GPRASP3: variants seen among roughly 807,000 people sequenced by gnomAD.
The protein encoded by GPRASP3 is G protein-coupled receptor associated sorting protein 3.
the GPRASP3 span, among the ~76,000 whole-genome samples, chrX:102,733,488 G>A: frequency 9.4e-6 from 1 of 106,807 alleles, no homozygotes; most frequent in Non-Finnish European, 1.9e-5. Context: ...CTCACAAATT[G>A]TTTCCAAATT....
chrX:102,748,801 G>A, the GPRASP3 span: 13 of 393,736 alleles, frequency 3.3e-5, no homozygotes, highest in Non-Finnish European at 5.3e-5. Context: ...GCCCGAGCGT[G>A]CCTCTGCCCT....
At chrX:102,751,263 T>G in the GPRASP3 span, 3 of 124,023 alleles carry the variant, frequency 2.4e-5, no homozygotes, top group African/African-American at 9.7e-5. Flanking sequence ...GGCTGTTTCA[T>G]TTACATCAAA....
chrX:102,739,693 G>A, the GPRASP3 span, among the ~76,000 whole-genome samples: 1 of 111,518 alleles, frequency 9.0e-6, no homozygotes. Flanking sequence ...AAAACTTAGC[G>A]CTGGGGCATA....
At chrX:102,735,856 T>C in the GPRASP3 span, among the ~76,000 whole-genome samples, 1 of 112,933 alleles carries the variant, frequency 8.9e-6, no homozygotes, top group Non-Finnish European at 1.9e-5. Context: ...TTTTACCATA[T>C]GCACATTTTA....
At chrX:102,722,863 GT>G in the GPRASP3 span, among the ~76,000 whole-genome samples, 1 of 111,577 alleles carries the variant, frequency 9.0e-6, no homozygotes, top group Non-Finnish European at 1.9e-5. Context: ...ATAAAAAGGA[GT>G]TGGTTAATGG....
chrX:102,743,984 A>G, the GPRASP3 span, among the ~76,000 whole-genome samples: 216 of 112,114 alleles, frequency 1.9e-3, 1 homozygote, highest in Non-Finnish European at 3.2e-3. Context: ...CTTTATGTCT[A>G]CACCTTAGCA....
chrX:102,739,838 G>T, the GPRASP3 span, among the ~76,000 whole-genome samples: 14 of 111,701 alleles, frequency 1.3e-4, 2 homozygotes, highest in East Asian at 8.5e-4. Context: ...TATAAACCTC[G>T]GGGGATATCC....
chrX:102,746,666 G>A, the GPRASP3 span, among the ~76,000 whole-genome samples: 2 of 112,756 alleles, frequency 1.8e-5, no homozygotes, highest in African/African-American at 3.2e-5. Context: ...CTTGGGTGCT[G>A]TCCCTTCCCA....
chrX:102,739,772 C>T, the GPRASP3 span, among the ~76,000 whole-genome samples: 1 of 111,677 alleles, frequency 9.0e-6, no homozygotes, highest in South Asian at 3.8e-4. Context: ...AGTGTTCTGG[C>T]CACATGCCAG....
At chrX:102,735,689 C>T in the GPRASP3 span, among the ~76,000 whole-genome samples, 7 of 112,004 alleles carry the variant, frequency 6.2e-5, no homozygotes, top group East Asian at 2.8e-4. Context: ...ATTACAGGCG[C>T]GAGCCACCGC....
the GPRASP3 span, chrX:102,749,183 A>C: frequency 5.8e-6 from 7 of 1,212,224 alleles, no homozygotes; most frequent in South Asian, 8.8e-5. Flanking sequence ...GCAGTGTCTA[A>C]GAACAAGGTT....
At chrX:102,729,588 GCCCAGGCACAGTGGCTCACGC>G in the GPRASP3 span, among the ~76,000 whole-genome samples, 1 of 112,421 alleles carries the variant, frequency 8.9e-6, no homozygotes, top group African/African-American at 3.2e-5. Flanking sequence ...CTGTAACAGA[GCCCAGGCACAGTGGCTCACGC>G]CTGTAATCCC....
chrX:102,749,036 C>A, the GPRASP3 span: 4 of 1,210,374 alleles, frequency 3.3e-6, no homozygotes, highest in Non-Finnish European at 3.4e-6. Flanking sequence ...CAGGCCAAAA[C>A]TGAAAAAAAG....
chrX:102,741,013 C>G, the GPRASP3 span, among the ~76,000 whole-genome samples: 2 of 111,441 alleles, frequency 1.8e-5, no homozygotes, highest in African/African-American at 6.5e-5. Flanking sequence ...TGGCAAATAA[C>G]CGAGTCTCAT....
the GPRASP3 span, among the ~76,000 whole-genome samples, chrX:102,748,536 G>T: frequency 8.9e-6 from 1 of 112,494 alleles, no homozygotes; most frequent in African/African-American, 3.2e-5. Flanking sequence ...ACATTGTTGA[G>T]CATTAGTGGC....
At chrX:102,723,386 A>G in the GPRASP3 span, among the ~76,000 whole-genome samples, 2 of 111,631 alleles carry the variant, frequency 1.8e-5, no homozygotes, top group African/African-American at 6.5e-5. Flanking sequence ...GGGCAAAATC[A>G]TAGGTAGAGA....
the GPRASP3 span, chrX:102,752,952 T>C: frequency 8.3e-6 from 1 of 120,310 alleles, no homozygotes; most frequent in East Asian, 2.8e-4. Flanking sequence ...TTTTTTATTT[T>C]TTGTATTTTT....
chrX:102,745,165 C>G, the GPRASP3 span, among the ~76,000 whole-genome samples: 1 of 110,908 alleles, frequency 9.0e-6, no homozygotes. Context: ...CAAGACCATC[C>G]CTACCTGGTG....
the GPRASP3 span, among the ~76,000 whole-genome samples, chrX:102,734,475 G>C: frequency 2.7e-5 from 3 of 111,773 alleles, no homozygotes; most frequent in Non-Finnish European, 5.6e-5. Context: ...AAATTAGCCA[G>C]GCATGGTGGC....
Sources: allele counts gnomAD v4.1 joint callset (sites outside exome capture counted in the v4.1 genomes callset), GRCh38; gene constraint gnomAD v4.1.1; transcripts MANE v1.5; gene names NCBI Gene and HGNC (gene_info 2026-07-23, HGNC 2026-07-21).